The following KCNK1 variants were observed in gnomAD, a reference collection of about 807,000 sequenced individuals.
The protein encoded by KCNK1 is potassium channel subfamily K member 1.
Under a neutral mutation model 22.2 loss-of-function variants are expected in KCNK1, and 10 were observed. That is an observed-to-expected ratio of 0.45 (90% CI 0.28 to 0.76). The LOEUF (loss-of-function observed/expected upper bound fraction) is 0.76. Among genes scored for constraint, KCNK1 ranks in the 30% least tolerant of loss-of-function variants. The probability of loss-of-function intolerance (pLI) is 0.14; values close to 1 mark genes in which losing one functional copy is unlikely to be tolerated. For missense variants in KCNK1, 378 were observed against 421.0 expected (o/e 0.90, Z 0.89); for synonymous variants, 200 against 186.4 (o/e 1.07, Z -0.60).
rs573054599 is a variant in KCNK1 at position 233,619,524 on chromosome 1, G to GT, written c.355+4999dup. 1.1e-4 allele frequency among the ~76,000 whole-genome samples: 17 copies of GT among 152,312 alleles called. No homozygotes were observed. The East Asian group carries it at 3.1e-3, about 28-fold the overall frequency. On this transcript the variant is annotated intron_variant, in intron 1 of 2. Transcript: ENST00000366621. ...CAAATAAAGAAGATGGGAAGAGGCA[G>GT]TGGGGGATGCTGGACTGATCCTTAG...
intron 2 of KCNK1, among the ~76,000 whole-genome samples, chr1:233,668,541 A>G (rs1470147800): frequency 3.3e-5 from 5 of 152,098 alleles, no homozygotes; most frequent in Non-Finnish European, 7.3e-5. Flanking sequence ...CCATAATCCA[A>G]TCATGCCTCT....
intron 1 of KCNK1, among the ~76,000 whole-genome samples, chr1:233,625,479 G>T (rs953021447): frequency 1.3e-4 from 20 of 152,188 alleles, no homozygotes; most frequent in Non-Finnish European, 2.4e-4. Flanking sequence ...TTTATGGCTA[G>T]CCTGGGGGAG....
intron 1 of KCNK1, among the ~76,000 whole-genome samples, chr1:233,655,227 C>T (rs1390504952): frequency 6.6e-6 from 1 of 152,190 alleles, no homozygotes; most frequent in Non-Finnish European, 1.5e-5. Flanking sequence ...CTATTCTTTT[C>T]TTTCTTTTGA....
intron 1 of KCNK1, among the ~76,000 whole-genome samples, chr1:233,643,564 T>C (rs914931017): frequency 6.6e-6 from 1 of 152,170 alleles, no homozygotes; most frequent in Non-Finnish European, 1.5e-5. Flanking sequence ...GTGTTTCCTG[T>C]TGTTTCCTAT....
chr1:233,671,386 TC>T lies in KCNK1; in HGVS notation c.868del (p.Gln290ArgfsTer5). On this transcript the variant is annotated frameshift_variant, in exon 3 of 3. Coordinates refer to ENST00000366621, the MANE Select transcript of KCNK1 (RefSeq NM_002245.4). LOFTEE classifies it low-confidence loss of function (END_TRUNC). ...ATGTGAAGAAGGACAAGGACGAGGA[TC>T]AGGTGCACATCATAGAGCATGACCA... ...FYVKKDKDED[Q>X]VHIIEHDQLS... 1 of 1,614,158 alleles carries T rather than the reference TC, an allele frequency of 6.2e-7. No individual in the cohort carries two copies. Among genetic ancestry groups the T allele is most frequent in the Non-Finnish European group, 8.5e-7 (1 of 1,180,020 alleles).
At chr1:233,621,758 A>G (rs1301997492) in intron 1 of KCNK1, among the ~76,000 whole-genome samples, 2 of 152,122 alleles carry the variant, frequency 1.3e-5, no homozygotes, top group African/African-American at 2.4e-5. Context: ...ATTTGTTATT[A>G]TCTATGCCTA....
intron 1 of KCNK1, among the ~76,000 whole-genome samples, chr1:233,618,784 T>C (rs1392301276): frequency 6.6e-6 from 1 of 152,042 alleles, no homozygotes; most frequent in African/African-American, 2.4e-5. Context: ...CTCAGGAGGC[T>C]GAGGTGGGAG....
At chr1:233,651,500 T>G (rs1050582080) in intron 1 of KCNK1, among the ~76,000 whole-genome samples, 5 of 152,236 alleles carry the variant, frequency 3.3e-5, no homozygotes, top group African/African-American at 1.2e-4. Context: ...CTCTGTTAGC[T>G]TCTTTATCTT....
chr1:233,634,932 A>G (rs1657872692), intron 1 of KCNK1, among the ~76,000 whole-genome samples: 1 of 152,212 alleles, frequency 6.6e-6, no homozygotes, highest in African/African-American at 2.4e-5. Flanking sequence ...TTCTTTTCCA[A>G]GTTAAATTGA....
In KCNK1 at chr1:233,671,375, A is replaced by G. The variant is rs1340873071; in HGVS notation, c.856A>G (p.Lys286Glu). 1 of 1,614,238 alleles carries G rather than the reference A, an allele frequency of 6.2e-7. No homozygotes were observed. The highest frequency in any genetic ancestry group is 1.7e-5 in the Admixed American group (1 of 60,030). ...FRKMFYVKKDKDEDQVHIIEH... is the reference protein window; with the variant it reads ...FRKMFYVKKDEDEDQVHIIEH... ...AAAAATGTTCTATGTGAAGAAGGAC[A>G]AGGACGAGGATCAGGTGCACATCAT... is the stretch of plus-strand genomic sequence containing the variant. Residue 286 changes from lysine (K) to glutamate (E), a missense_variant, in exon 3 of 3, where the codon AAG (lysine) becomes GAG (glutamate). Lys to Glu is a moderately conservative substitution (Grantham distance 56). Coordinates refer to ENST00000366621, the MANE Select transcript of KCNK1 (RefSeq NM_002245.4).
chr1:233,621,516 T>C (rs1657585977), intron 1 of KCNK1, among the ~76,000 whole-genome samples: 1 of 152,230 alleles, frequency 6.6e-6, no homozygotes, highest in African/African-American at 2.4e-5. Flanking sequence ...TGGGATGTCA[T>C]TGTTTTAGAG....
intron 1 of KCNK1, among the ~76,000 whole-genome samples, chr1:233,656,103 A>T (rs1046508667): frequency 2.0e-5 from 3 of 152,208 alleles, no homozygotes; most frequent in Non-Finnish European, 4.4e-5. Context: ...TCTGCATTCA[A>T]ATGGGTTACA....
chr1:233,619,767 A>G (rs1179506463), intron 1 of KCNK1, among the ~76,000 whole-genome samples: 1 of 152,052 alleles, frequency 6.6e-6, no homozygotes, highest in East Asian at 1.9e-4. Context: ...AAAATTAGCC[A>G]GGCGTGGTGG....
intron 2 of KCNK1, among the ~76,000 whole-genome samples, chr1:233,670,770 C>T (rs1658582568): frequency 6.6e-6 from 1 of 152,166 alleles, no homozygotes; most frequent in South Asian, 2.1e-4. Flanking sequence ...GCATTTAAGA[C>T]TGCAATTTCT....
At chr1:233,659,201 C>T (rs1445703105) in intron 1 of KCNK1, among the ~76,000 whole-genome samples, 1 of 150,104 alleles carries the variant, frequency 6.7e-6, no homozygotes, top group African/African-American at 2.5e-5. Context: ...TTTTTTTTTA[C>T]TTTTTAGATT....
intron 2 of KCNK1, among the ~76,000 whole-genome samples, chr1:233,668,766 C>G (rs530561292): frequency 2.0e-5 from 3 of 152,096 alleles, no homozygotes; most frequent in Non-Finnish European, 4.4e-5. Context: ...CCACCACATC[C>G]GGCTAATTTT....
rs1448020529 is a variant in KCNK1, at chr1:233,672,204, T to A, written c.*674T>A. 6.6e-6 allele frequency: 1 copy of A among 152,526 alleles called. No individual in the cohort carries two copies. Among genetic ancestry groups the A allele is most frequent in the Non-Finnish European group, 1.5e-5 (1 of 68,000 alleles). The allele number at this position is 152,526 out of a possible 1,614,324, so 9.4% of individuals were successfully genotyped here. A position where few individuals can be genotyped will look rare whatever the true frequency, so the allele number is the denominator to read the frequency against. ...AGAATCCAGAGTTGCTACAATAAAA[T>A]AAGGGGAATAATAAACTTGAGAGTG... On this transcript the variant is annotated 3_prime_UTR_variant, in exon 3 of 3. Coordinates refer to ENST00000366621, the MANE Select transcript of KCNK1 (RefSeq NM_002245.4).
intron 1 of KCNK1, among the ~76,000 whole-genome samples, chr1:233,663,324 A>G (rs1658435476): frequency 6.6e-6 from 1 of 152,220 alleles, no homozygotes; most frequent in Admixed American, 6.5e-5. Context: ...GTACTAGCAT[A>G]AAAATGCCAT....
At chr1:233,669,844 A>G (rs940592820) in intron 2 of KCNK1, among the ~76,000 whole-genome samples, 1 of 152,214 alleles carries the variant, frequency 6.6e-6, no homozygotes, top group Non-Finnish European at 1.5e-5. Context: ...AGATCCATCA[A>G]TTAGTCTAAC....
Sources: gnomAD v4.1 joint callset for allele counts (sites outside exome capture counted in the v4.1 genomes callset) on GRCh38, gnomAD v4.1.1 for gene constraint, MANE v1.5 for transcripts, NCBI Gene and HGNC (gene_info 2026-07-23, HGNC 2026-07-21) for gene names.